The following TTC28 variants were observed in gnomAD, a reference collection of about 807,000 sequenced individuals.
TTC28 encodes the protein tetratricopeptide repeat domain 28.
Under a neutral mutation model 198.0 loss-of-function variants are expected in TTC28, and 61 were observed. The observed-to-expected ratio is 0.31, with a 90% CI of 0.25 to 0.38. The LOEUF (loss-of-function observed/expected upper bound fraction) is 0.38, where lower values mean the gene tolerates loss of function less well. Ranked by LOEUF, TTC28 falls within the 10% of genes least tolerant of loss-of-function variation. TTC28 has a pLI of 1.00. For missense variants in TTC28, 2,678 were observed against 3,164.0 expected, an observed-to-expected ratio of 0.85 and a Z score of 3.69; for synonymous variants, 1,171 against 1,297.8, an observed-to-expected ratio of 0.90 and a Z score of 2.10.
At position 27,983,669 on chromosome 22, in the gene TTC28, A is replaced by T; in HGVS notation, c.5998T>A (p.Ser2000Thr). ...GGTTTGGAGACAAAGCTCATTGAGGAGGCAATGGAGCTCAGACTGTACACA... is the reference window on the plus strand; with the variant it reads ...GGTTTGGAGACAAAGCTCATTGAGGTGGCAATGGAGCTCAGACTGTACACA... ...ISVYSLSSIA[S>T]SMSFVSKPEG... Residue 2000 changes from serine (S) to threonine (T), a missense_variant, in exon 23 of 23, where the codon TCC becomes ACC. Coordinates refer to ENST00000397906, the MANE Select transcript of TTC28 (RefSeq NM_001145418.2). 6.5e-7 allele frequency: 1 copy of T among 1,545,714 alleles called. No individual in the cohort carries two copies. The highest frequency in any genetic ancestry group is 8.7e-7 in the Non-Finnish European group (1 of 1,144,576).
At chr22:28,500,739 T>C (rs1327525210) in intron 2 of TTC28, among the ~76,000 whole-genome samples, 2 of 152,156 alleles carry the variant, frequency 1.3e-5, no homozygotes, top group Admixed American at 6.5e-5. Flanking sequence ...TAACAATTTC[T>C]ATTTATTAGC....
intron 5 of TTC28, among the ~76,000 whole-genome samples, chr22:28,249,143 G>A (rs931139019): frequency 2.0e-5 from 3 of 152,106 alleles, no homozygotes; most frequent in African/African-American, 7.2e-5. Flanking sequence ...CCCAGAGGTC[G>A]AGAGCACAGC....
At chr22:28,575,329 C>G (rs889744208) in intron 2 of TTC28, among the ~76,000 whole-genome samples, 1 of 152,178 alleles carries the variant, frequency 6.6e-6, no homozygotes, top group Non-Finnish European at 1.5e-5. Flanking sequence ...AATGAGTTCA[C>G]TGCAGATGTA....
Position 28,393,939 on chromosome 22 carries a change from A to G in TTC28, c.382-87296T>C, listed in dbSNP as rs2046774411. 2.6e-5 allele frequency among the ~76,000 whole-genome samples: 4 copies of G among 152,020 alleles called. No individual in the cohort carries two copies. The South Asian group carries it at 8.3e-4, about 32-fold the overall frequency. On this transcript the variant is annotated intron_variant, in intron 2 of 22. Transcript: ENST00000397906. The stretch of plus-strand genomic sequence containing the variant: ...TTTGTTTTTGAGATGAGGTCTTACT[A>G]TGTTTCCCAAACTGGTCTCAAACTT...
intron 1 of TTC28, among the ~76,000 whole-genome samples, chr22:28,635,117 C>G (rs748246188): frequency 6.6e-6 from 1 of 151,944 alleles, no homozygotes; most frequent in African/African-American, 2.4e-5. Flanking sequence ...GTCAGGAGAT[C>G]GAGACCATCC....
intron 5 of TTC28, among the ~76,000 whole-genome samples, chr22:28,209,256 G>A (rs117834990): frequency 1.3e-4 from 20 of 152,284 alleles, no homozygotes; most frequent in East Asian, 3.9e-4. Flanking sequence ...GGTGATTTCC[G>A]CATTTCCAAC....
intron 6 of TTC28, among the ~76,000 whole-genome samples, chr22:28,132,279 G>C (rs1943077749): frequency 6.6e-6 from 1 of 152,148 alleles, no homozygotes; most frequent in African/African-American, 2.4e-5. Context: ...ATTTTAATAA[G>C]ACAAATCTTT....
intron 2 of TTC28, among the ~76,000 whole-genome samples, chr22:28,465,391 C>T (rs1358813996): frequency 6.6e-6 from 1 of 151,894 alleles, no homozygotes; most frequent in Non-Finnish European, 1.5e-5. Flanking sequence ...TTTGGGAGGC[C>T]GAGGCAGGCG....
chr22:28,269,394 C>A (rs1186977164), intron 5 of TTC28, among the ~76,000 whole-genome samples: 1 of 152,062 alleles, frequency 6.6e-6, no homozygotes, highest in Non-Finnish European at 1.5e-5. Flanking sequence ...GGTGTCTCAA[C>A]ACTCTTCCCA....
intron 2 of TTC28, among the ~76,000 whole-genome samples, chr22:28,604,245 T>C (rs1216532407): frequency 6.9e-6 from 1 of 145,742 alleles, no homozygotes; most frequent in African/African-American, 2.6e-5. Flanking sequence ...ATCACTGCAC[T>C]CTAGCCTGGC....
At chr22:28,003,304 TGCTGCCCTGACCCTGCTGACAGGGTCA>T (rs1937791749) in intron 14 of TTC28, among the ~76,000 whole-genome samples, 1 of 152,152 alleles carries the variant, frequency 6.6e-6, no homozygotes, top group East Asian at 1.9e-4. Context: ...GCACAGCTGA[TGCTGCCCTGACCCTGCTGACAGGGTCA>T]GCAGCTGTGA....
chr22:28,185,403 A>C (rs1924100698), intron 5 of TTC28, among the ~76,000 whole-genome samples: 2 of 152,178 alleles, frequency 1.3e-5, no homozygotes, highest in African/African-American at 4.8e-5. Flanking sequence ...TGTTTGTTAT[A>C]ACACTCTTTT....
chr22:28,406,424 T>C (rs2046999005), intron 2 of TTC28, among the ~76,000 whole-genome samples: 1 of 152,212 alleles, frequency 6.6e-6, no homozygotes, highest in African/African-American at 2.4e-5. Context: ...GCAAATGTTT[T>C]CCCAAATTTC....
At chr22:28,209,407 C>G (rs942832206) in intron 5 of TTC28, among the ~76,000 whole-genome samples, 2 of 152,178 alleles carry the variant, frequency 1.3e-5, no homozygotes, top group African/African-American at 4.8e-5. Context: ...CCGTGACAGA[C>G]CGTACCTGGA....
chr22:28,272,301 T>C (rs1200763867), intron 5 of TTC28, among the ~76,000 whole-genome samples: 1 of 152,214 alleles, frequency 6.6e-6, no homozygotes, highest in East Asian at 1.9e-4. Context: ...TATAGAATGC[T>C]GGTTAGACAT....
intron 2 of TTC28, among the ~76,000 whole-genome samples, chr22:28,493,876 T>A (rs2048413607): frequency 6.6e-6 from 1 of 152,152 alleles, no homozygotes; most frequent in Admixed American, 6.6e-5. Context: ...ATTGGTCCTG[T>A]CTCTTCAACA....
chr22:28,190,997 T>C (rs934968556), intron 5 of TTC28, among the ~76,000 whole-genome samples: 10 of 152,164 alleles, frequency 6.6e-5, no homozygotes, highest in African/African-American at 2.4e-4. Context: ...TCCCAGTGCA[T>C]ATGAATCTAA....
intron 2 of TTC28, among the ~76,000 whole-genome samples, chr22:28,540,173 C>A (rs998678945): frequency 7.2e-5 from 11 of 151,984 alleles, no homozygotes; most frequent in Admixed American, 2.6e-4. Flanking sequence ...GTCTCTATCT[C>A]CTGACCTCAT....
At chr22:28,455,277 C>A (rs1450269655) in intron 2 of TTC28, among the ~76,000 whole-genome samples, 2 of 152,182 alleles carry the variant, frequency 1.3e-5, no homozygotes, top group South Asian at 4.1e-4. Context: ...CAAAACACTA[C>A]TGAAATTGAG....
Sources: allele counts gnomAD v4.1 joint callset (sites outside exome capture counted in the v4.1 genomes callset), GRCh38; gene constraint gnomAD v4.1.1; transcripts MANE v1.5; gene names NCBI Gene and HGNC (gene_info 2026-07-23, HGNC 2026-07-21).